The following ADCY2 variants were observed in gnomAD, a reference collection of about 807,000 sequenced individuals.
ADCY2 encodes the protein adenylate cyclase type 2.
A neutral mutation model predicts 125.2 loss-of-function variants in ADCY2; 31 were observed. The ratio of observed to expected loss-of-function variants is 0.25; its 90% CI spans 0.19 to 0.33. The LOEUF is 0.33. Among genes scored for constraint, ADCY2 ranks in the 10% least tolerant of loss-of-function variants. The probability of loss-of-function intolerance (pLI) is 1.00; values close to 1 mark genes in which losing one functional copy is unlikely to be tolerated. For missense variants in ADCY2, 904 were observed against 1,418.2 expected (o/e 0.64, Z 5.82); for synonymous variants, 512 against 548.4 (o/e 0.93, Z 0.93).
intron 2 of ADCY2, among the ~76,000 whole-genome samples, chr5:7,495,266 G>A (rs536393518): frequency 9.9e-5 from 15 of 152,234 alleles, no homozygotes; most frequent in East Asian, 1.9e-4. Context: ...AATTGGCTTC[G>A]TGGGAACTTG....
rs572394385 is a variant in ADCY2 at position 7,751,060 on chromosome 5, G to A, written c.1957-6389G>A. Among the ~76,000 whole-genome samples the A allele has an allele frequency of 2.0e-4, 31 of 151,856 alleles. 1 individual carries two copies. Among genetic ancestry groups the A allele is most frequent in the African/African-American group, 7.5e-4 (31 of 41,388 alleles). On this transcript the variant is annotated intron_variant, in intron 15 of 24. Coordinates refer to ENST00000338316, the MANE Select transcript of ADCY2 (RefSeq NM_020546.3). Reference sequence around the variant, plus strand: ...TCTTTATCTTTCTGTGCTATTTTGTGGTTTATTTCCTGAGATGTTTCATAG... The same window carrying A: ...TCTTTATCTTTCTGTGCTATTTTGTAGTTTATTTCCTGAGATGTTTCATAG...
At chr5:7,546,199 C>T (rs948159840) in intron 3 of ADCY2, among the ~76,000 whole-genome samples, 1 of 152,178 alleles carries the variant, frequency 6.6e-6, no homozygotes, top group Non-Finnish European at 1.5e-5. Context: ...CAAGACAGAA[C>T]AGAAATCCAG....
chr5:7,437,792 T>C (rs977318781), intron 2 of ADCY2, among the ~76,000 whole-genome samples: 2 of 152,244 alleles, frequency 1.3e-5, no homozygotes, highest in East Asian at 3.8e-4. Context: ...CTTTGAACAG[T>C]ATTTCTTGTG....
chr5:7,451,678 T>C (rs1276687065), intron 2 of ADCY2, among the ~76,000 whole-genome samples: 1 of 152,242 alleles, frequency 6.6e-6, no homozygotes, highest in Non-Finnish European at 1.5e-5. Context: ...TAGTATCATA[T>C]GCTACAAAGA....
chr5:7,822,125 TA>T (rs1193333124), intron 24 of ADCY2, among the ~76,000 whole-genome samples: 2 of 152,218 alleles, frequency 1.3e-5, no homozygotes, highest in East Asian at 1.9e-4. Context: ...AAGAAGAAGA[TA>T]AAGAGGTGCA....
intron 16 of ADCY2, among the ~76,000 whole-genome samples, chr5:7,764,547 G>T (rs774024114): frequency 2.0e-5 from 3 of 152,172 alleles, no homozygotes; most frequent in Non-Finnish European, 4.4e-5. Context: ...ACAATTTAAT[G>T]TGATTCGAAA....
intron 20 of ADCY2, chr5:7,793,864 A>G (rs919218497): frequency 2.6e-5 from 4 of 151,484 alleles, no homozygotes; most frequent in African/African-American, 9.7e-5. Flanking sequence ...TCCTTCCTTC[A>G]TTCGGGAAAC....
Position 7,606,008 on chromosome 5 carries a change from G to A in ADCY2, c.571-20159G>A, listed in dbSNP as rs570935433. Among the ~76,000 whole-genome samples the A allele has an allele frequency of 6.8e-3, 955 of 140,456 alleles. 9 individuals carry two copies. The highest frequency in any genetic ancestry group is 0.024 in the African/African-American group (897 of 37,086). 92.1% of individuals were successfully genotyped at this position (140,456 alleles called of 152,430 possible). On this transcript the variant is annotated intron_variant, in intron 3 of 24. Coordinates refer to ENST00000338316, the MANE Select transcript of ADCY2 (RefSeq NM_020546.3). Reference sequence around the variant, plus strand: ...CCCATCAATACCTAATTTATTGAGAGTTTTTAGCATGAAGGGTTGTTGAAT... The same window carrying A: ...CCCATCAATACCTAATTTATTGAGAATTTTTAGCATGAAGGGTTGTTGAAT...
intron 2 of ADCY2, among the ~76,000 whole-genome samples, chr5:7,425,741 G>A (rs190888708): frequency 6.6e-6 from 1 of 152,316 alleles, no homozygotes; most frequent in African/African-American, 2.4e-5. Flanking sequence ...GCCTGCCGGA[G>A]GCTTCACAGT....
intron 18 of ADCY2, among the ~76,000 whole-genome samples, chr5:7,779,018 C>A (rs1743830413): frequency 6.6e-6 from 1 of 152,196 alleles, no homozygotes; most frequent in Admixed American, 6.5e-5. Context: ...GATTTACCAT[C>A]TCAGCTTTCC....
intron 3 of ADCY2, among the ~76,000 whole-genome samples, chr5:7,522,121 G>A (rs1325082862): frequency 6.6e-6 from 1 of 152,076 alleles, no homozygotes; most frequent in East Asian, 1.9e-4. Flanking sequence ...GAATGAAGGT[G>A]GGTGTTTTAT....
intron 6 of ADCY2, among the ~76,000 whole-genome samples, chr5:7,697,537 G>A (rs4235583): frequency 0.98 from 149,344 of 152,310 alleles, 73,287 homozygotes; most frequent in East Asian, 1. Flanking sequence ...ATAGCTGTTT[G>A]GGAAGTATGG....
At chr5:7,716,105 G>A (rs1417250764) in intron 11 of ADCY2, among the ~76,000 whole-genome samples, 1 of 152,178 alleles carries the variant, frequency 6.6e-6, no homozygotes, top group African/African-American at 2.4e-5. Context: ...ACCTTGGAGA[G>A]CTCTTACTAT....
At chr5:7,618,212 C>G (rs1455201023) in intron 3 of ADCY2, among the ~76,000 whole-genome samples, 2 of 152,222 alleles carry the variant, frequency 1.3e-5, no homozygotes, top group Admixed American at 1.3e-4. Flanking sequence ...GCAATCTTGT[C>G]TCTCCATTGT....
intron 12 of ADCY2, among the ~76,000 whole-genome samples, chr5:7,720,198 C>T (rs751761761): frequency 6.6e-6 from 1 of 152,118 alleles, no homozygotes; most frequent in Non-Finnish European, 1.5e-5. Context: ...CTGATCTTGT[C>T]TTTCTCTGTA....
At chr5:7,825,191 GCTGCTGTGCGCCACGACAA>G (rs1745432023) in intron 24 of ADCY2, among the ~76,000 whole-genome samples, 2 of 152,006 alleles carry the variant, frequency 1.3e-5, no homozygotes, top group African/African-American at 4.8e-5. Context: ...CCACGACAAC[GCTGCTGTGCGCCACGACAA>G]CGCTGCTGTG....
intron 3 of ADCY2, among the ~76,000 whole-genome samples, chr5:7,598,693 T>C (rs1737094637): frequency 6.6e-6 from 1 of 152,086 alleles, no homozygotes; most frequent in Non-Finnish European, 1.5e-5. Flanking sequence ...CACGATAGGA[T>C]TGTGCTTCCC....
intron 12 of ADCY2, 61 bp from the exon 13 acceptor site, chr5:7,724,484 T>C (rs1741872049): frequency 1.6e-6 from 2 of 1,252,482 alleles, no homozygotes; most frequent in African/African-American, 1.5e-5. Context: ...TTTTAAAAAA[T>C]AGTTCCAGAT....
intron 2 of ADCY2, among the ~76,000 whole-genome samples, chr5:7,453,568 A>G (rs1390736617): frequency 1.3e-5 from 2 of 152,200 alleles, no homozygotes; most frequent in African/African-American, 4.8e-5. Flanking sequence ...GGTAAATTTT[A>G]GAGCAGGAGT....
Sources: gnomAD v4.1 joint callset for allele counts (sites outside exome capture counted in the v4.1 genomes callset) on GRCh38, gnomAD v4.1.1 for gene constraint, MANE v1.5 for transcripts, NCBI Gene and HGNC (gene_info 2026-07-23, HGNC 2026-07-21) for gene names.